ZNF90: variants seen among roughly 807,000 people sequenced by gnomAD.
ZNF90 encodes the protein zinc finger protein 90.
In ZNF90, 11 loss-of-function variants were observed where a neutral mutation model predicts 12.0. The ratio of observed to expected loss-of-function variants is 0.92; its 90% CI spans 0.58 to 1.52. The LOEUF (loss-of-function observed/expected upper bound fraction) is 1.52, where lower values mean the gene tolerates loss of function less well. ZNF90 is among the 40% of genes most tolerant of loss of function. ZNF90 has a pLI of 0.00. For synonymous variants in ZNF90, 232 were observed against 240.1 expected, an observed-to-expected ratio of 0.97 and a Z score of 0.31; for missense variants, 765 against 711.5, an observed-to-expected ratio of 1.08 and a Z score of -0.86.
intron 1 of ZNF90, among the ~76,000 whole-genome samples, chr19:20,080,911 C>T (rs955187196): frequency 3.3e-5 from 5 of 152,158 alleles, no homozygotes; most frequent in Non-Finnish European, 5.9e-5. Context: ...AAAGATATCA[C>T]GGAGGCCTGG....
At chr19:20,085,019 G>A (rs982441987) in intron 1 of ZNF90, among the ~76,000 whole-genome samples, 5 of 151,808 alleles carry the variant, frequency 3.3e-5, no homozygotes, top group Non-Finnish European at 5.9e-5. Flanking sequence ...GTATTTCCTA[G>A]GTTATCATGG....
intron 1 of ZNF90, among the ~76,000 whole-genome samples, chr19:20,081,985 C>G (rs1026434776): frequency 6.6e-6 from 1 of 151,832 alleles, no homozygotes; most frequent in Non-Finnish European, 1.5e-5. Flanking sequence ...AGGAGGGTCT[C>G]GATCTCCTGA....
chr19:20,098,458 G>A (rs1198460777), intron 1 of ZNF90, among the ~76,000 whole-genome samples: 2 of 152,206 alleles, frequency 1.3e-5, no homozygotes, highest in African/African-American at 2.4e-5. Flanking sequence ...ATGTAAATAA[G>A]CATCTTAGGA....
Position 20,104,283 on chromosome 19 carries a change from G to A in ZNF90, c.48G>A (p.Glu16=). ...FRDVAIEFSL[E]EWHCLDTAQQ... is the part of the protein sequence containing the mutation. The stretch of plus-strand genomic sequence containing the variant: ...ATGTGGCCATAGAATTCTCTCTGGA[G>A]GAGTGGCATTGCCTGGACACTGCAC... The change falls in exon 2 of 4, where the codon GAG becomes GAA. Residue 16 remains glutamate, a synonymous_variant. Coordinates refer to ENST00000418063, the MANE Select transcript of ZNF90 (RefSeq NM_007138.2). The A allele has an allele frequency of 6.2e-7, 1 of 1,614,082 alleles. No individual in the cohort carries two copies. The highest frequency in any genetic ancestry group is 8.5e-7 in the Non-Finnish European group (1 of 1,179,980).
At chr19:20,078,882 G>T (rs926805652) in intron 1 of ZNF90, among the ~76,000 whole-genome samples, 1 of 152,058 alleles carries the variant, frequency 6.6e-6, no homozygotes, top group Non-Finnish European at 1.5e-5. Flanking sequence ...CAGCACTTTG[G>T]GGCGCCGAGG....
intron 1 of ZNF90, among the ~76,000 whole-genome samples, chr19:20,096,347 C>T (rs187495194): frequency 1.2e-4 from 18 of 152,210 alleles, no homozygotes; most frequent in Admixed American, 3.3e-4. Flanking sequence ...CATGCATGTC[C>T]GTGTGAAGAG....
intron 1 of ZNF90, among the ~76,000 whole-genome samples, chr19:20,091,936 T>G (rs2088906048): frequency 6.6e-6 from 1 of 152,156 alleles, no homozygotes; most frequent in Non-Finnish European, 1.5e-5. Flanking sequence ...TGGAAGATAC[T>G]ATAGCATAGC....
rs546773573 is a variant in ZNF90, at chr19:20,090,554, G to A, written c.3+12419G>A. Among the ~76,000 whole-genome samples, 378 of 152,264 alleles carry A rather than the reference G, an allele frequency of 2.5e-3. 3 individuals are homozygous for A. Among genetic ancestry groups the A allele is most frequent in the Middle Eastern group, 0.01 (3 of 294 alleles). On this transcript the variant is annotated intron_variant, in intron 1 of 3. Coordinates refer to ENST00000418063, the MANE Select transcript of ZNF90 (RefSeq NM_007138.2). Reference sequence around the variant, plus strand: ...ACTATAGATGACTAAGTAGGGTCCCGTCCATCGAGGTTGTAGAGTTTGAGG... The same window carrying A: ...ACTATAGATGACTAAGTAGGGTCCCATCCATCGAGGTTGTAGAGTTTGAGG...
At chr19:20,091,934 ACTATAG>A (rs2088906035) in intron 1 of ZNF90, among the ~76,000 whole-genome samples, 1 of 152,336 alleles carries the variant, frequency 6.6e-6, no homozygotes, top group South Asian at 2.1e-4. Context: ...TGTGGAAGAT[ACTATAG>A]CATAGCCTGC....
At chr19:20,106,051 T>C (rs1261623012) in intron 3 of ZNF90, among the ~76,000 whole-genome samples, 6 of 139,092 alleles carry the variant, frequency 4.3e-5, no homozygotes, top group South Asian at 4.3e-4. Context: ...TTTCTTTTTT[T>C]TTTTTTTTTT....
At chr19:20,092,160 A>C (rs1422321274) in intron 1 of ZNF90, among the ~76,000 whole-genome samples, 5 of 152,146 alleles carry the variant, frequency 3.3e-5, no homozygotes, top group Admixed American at 6.5e-5. Context: ...ATTGTGGGAG[A>C]CTCAACAAAG....
In ZNF90 at chr19:20,113,689, G is replaced by A. The variant is rs151287280; in HGVS notation, c.227-4092G>A. ...TAAAAATACAAAAAATTCGCCGGGC[G>A]TGTTGGCGGGCGCTTATAGTCCCAG... is the stretch of plus-strand genomic sequence containing the variant. On this transcript the variant is annotated intron_variant, in intron 3 of 3. Coordinates refer to ENST00000418063, the MANE Select transcript of ZNF90 (RefSeq NM_007138.2). Among the ~76,000 whole-genome samples, 220 of 152,134 alleles carry A rather than the reference G, an allele frequency of 1.4e-3. 4 individuals carry two copies. In the East Asian group the frequency reaches 0.036, roughly 25 times the overall value.
At chr19:20,106,700 G>T (rs1278736375) in intron 3 of ZNF90, among the ~76,000 whole-genome samples, 23 of 152,202 alleles carry the variant, frequency 1.5e-4, no homozygotes, top group Admixed American at 1.2e-3. Flanking sequence ...TGATCCACCC[G>T]CCTTGGCCTC....
chr19:20,092,860 T>C (rs1484188448), intron 1 of ZNF90, among the ~76,000 whole-genome samples: 2 of 152,008 alleles, frequency 1.3e-5, no homozygotes, highest in Non-Finnish European at 2.9e-5. Context: ...GTTGAGAAGA[T>C]TCAAAGGAGG....
At chr19:20,093,700 G>A (rs1055589073) in intron 1 of ZNF90, among the ~76,000 whole-genome samples, 10 of 152,116 alleles carry the variant, frequency 6.6e-5, no homozygotes, top group Non-Finnish European at 1.2e-4. Context: ...AAGCTTGGCC[G>A]TCAATACTCA....
At chr19:20,116,900 A>G (rs1555705713) in intron 3 of ZNF90, among the ~76,000 whole-genome samples, 1 of 151,356 alleles carries the variant, frequency 6.6e-6, no homozygotes, top group Non-Finnish European at 1.5e-5. Context: ...TAAGCGTTTT[A>G]TGTCATGGGA....
At chr19:20,092,402 G>C (rs2088909741) in intron 1 of ZNF90, among the ~76,000 whole-genome samples, 2 of 152,124 alleles carry the variant, frequency 1.3e-5, no homozygotes, top group Admixed American at 1.3e-4. Flanking sequence ...ATGCGATCCT[G>C]GTCCTTGTGT....
rs1414169518 is a variant in ZNF90 at position 20,120,280 on chromosome 19, G to A, written c.*920G>A. On this transcript the variant is annotated 3_prime_UTR_variant, in exon 4 of 4. Coordinates refer to ENST00000418063, the MANE Select transcript of ZNF90 (RefSeq NM_007138.2). ...TTCACAGTTAATGAAAGCATTTAAA[G>A]TGCAATTATGCTCAAGAAATCTTTC... Among the ~76,000 whole-genome samples, 1 of 152,202 alleles carries A rather than the reference G, an allele frequency of 6.6e-6. No individual in the cohort carries two copies. The highest frequency in any genetic ancestry group is 1.5e-5 in the Non-Finnish European group (1 of 68,036).
In ZNF90 at chr19:20,118,836, C is replaced by T. The variant is rs782047865; in HGVS notation, c.1282C>T (p.Gln428Ter). 1.2e-6 allele frequency: 2 copies of T among 1,600,524 alleles called. No individual in the cohort carries two copies. The highest frequency in any genetic ancestry group is 1.7e-5 in the Admixed American group (1 of 57,574). Residue 428 changes from glutamine (Q) to a stop codon, truncating the protein, a stop_gained, in exon 4 of 4, where the codon CAA (glutamine) becomes TAA (stop). Coordinates refer to ENST00000418063, the MANE Select transcript of ZNF90 (RefSeq NM_007138.2). LOFTEE classifies it low-confidence loss of function (END_TRUNC). ...TACTGAAGAGAAACCCTACAAATGT[C>T]AAGAATGTGACAAAGTCTTCAAACG... The part of the protein sequence containing the change: ...SHTEEKPYKC[Q>*]ECDKVFKRSS...
Sources: gnomAD v4.1 joint callset for allele counts (sites outside exome capture counted in the v4.1 genomes callset) on GRCh38, gnomAD v4.1.1 for gene constraint, MANE v1.5 for transcripts, NCBI Gene and HGNC (gene_info 2026-07-23, HGNC 2026-07-21) for gene names.